Variants in DIAPH3 observed in about 807,000 individuals in gnomAD.
DIAPH3 encodes protein diaphanous homolog 3.
Under a neutral mutation model 144.3 loss-of-function variants are expected in DIAPH3, and 117 were observed. The ratio of observed to expected loss-of-function variants is 0.81; its 90% CI spans 0.70 to 0.95. DIAPH3 has a LOEUF of 0.95. Among genes scored for constraint, DIAPH3 ranks in the 40% least tolerant of loss-of-function variants. DIAPH3 has a pLI of 0.00. For synonymous variants in DIAPH3, 519 were observed against 488.9 expected (o/e 1.06, Z -0.81); for missense variants, 1,421 against 1,412.7 (o/e 1.01, Z -0.09).
intron 20 of DIAPH3, among the ~76,000 whole-genome samples, chr13:59,893,153 G>A (rs926231020): frequency 1.3e-5 from 2 of 152,028 alleles, no homozygotes; most frequent in African/African-American, 4.8e-5. Context: ...ATGATGAACC[G>A]CCATAGCATC....
In DIAPH3 at chr13:59,974,585, G is replaced by C; in HGVS notation, c.1546-129C>G. ...TTCCTGAATTGGTTTTATGAAAGGA[G>C]TGATAGAGTTTTGAAAAGTCACTTA... On this transcript the variant is annotated intron_variant, in intron 14 of 27. Transcript: ENST00000400324. The C allele has an allele frequency of 4.7e-6, 4 of 850,432 alleles. No homozygotes were observed. In the South Asian group the frequency reaches 6.2e-5, roughly 13 times the overall value. 52.7% of individuals were successfully genotyped at this position (850,432 alleles called of 1,614,324 possible).
Position 59,874,556 on chromosome 13 carries a change from G to A in DIAPH3, c.2607+4673C>T, listed in dbSNP as rs151306835. On this transcript the variant is annotated intron_variant, in intron 21 of 27. Coordinates refer to ENST00000400324, the MANE Select transcript of DIAPH3 (RefSeq NM_001042517.2). ...ACCGTCTTAGCACCTACTCCTCAAC[G>A]CCCATAGCCCCATTACCATGTATTC... is the stretch of plus-strand genomic sequence containing the variant. Among the ~76,000 whole-genome samples, 446 of 152,050 alleles carry A rather than the reference G, an allele frequency of 2.9e-3. 4 individuals are homozygous for A. The highest frequency in any genetic ancestry group is 0.012 in the South Asian group (59 of 4,810).
intron 17 of DIAPH3, among the ~76,000 whole-genome samples, chr13:59,939,835 C>CGAGT (rs535547924): frequency 1.4e-5 from 2 of 146,652 alleles, no homozygotes; most frequent in African/African-American, 2.5e-5. Context: ...GAGAATGAGG[C>CGAGT]GTGTGTGTGT....
intron 5 of DIAPH3, among the ~76,000 whole-genome samples, chr13:60,029,808 A>G (rs894556008): frequency 6.6e-6 from 1 of 152,142 alleles, no homozygotes; most frequent in Non-Finnish European, 1.5e-5. Context: ...TCCTTTTAGA[A>G]AGTTAAGCCA....
intron 20 of DIAPH3, among the ~76,000 whole-genome samples, chr13:59,881,366 C>T (rs1391212524): frequency 3.9e-5 from 6 of 152,018 alleles, no homozygotes; most frequent in Admixed American, 3.9e-4. Flanking sequence ...CTCATAGCAT[C>T]GCTGTTTTCA....
intron 1 of DIAPH3, among the ~76,000 whole-genome samples, chr13:60,138,776 G>GAAGGGCAA (rs58339306): frequency 1.6e-4 from 10 of 62,828 alleles, no homozygotes; most frequent in Non-Finnish European, 4.5e-4. Context: ...AGAAGGAGAA[G>GAAGGGCAA]GAGAAGAAGG....
chr13:59,786,694 A>C (rs2039046535), intron 25 of DIAPH3, among the ~76,000 whole-genome samples: 1 of 152,212 alleles, frequency 6.6e-6, no homozygotes, highest in Non-Finnish European at 1.5e-5. Context: ...TTCAGTACAT[A>C]AGACAGCATT....
intron 27 of DIAPH3, among the ~76,000 whole-genome samples, chr13:59,672,948 G>T (rs1239848759): frequency 6.6e-6 from 1 of 152,176 alleles, no homozygotes; most frequent in Non-Finnish European, 1.5e-5. Context: ...AACTGATGAA[G>T]AACTTTATTT....
At chr13:60,140,075 C>A (rs1433718405) in intron 1 of DIAPH3, among the ~76,000 whole-genome samples, 1 of 152,198 alleles carries the variant, frequency 6.6e-6, no homozygotes, top group African/African-American at 2.4e-5. Flanking sequence ...CCAGAGTCAC[C>A]TTGAAGCTTA....
Position 60,076,145 on chromosome 13 carries a change from G to T in DIAPH3, c.495+17483C>A, listed in dbSNP as rs76278406. 3.0e-3 allele frequency among the ~76,000 whole-genome samples: 457 copies of T among 152,252 alleles called. 2 individuals are homozygous for T. The highest frequency in any genetic ancestry group is 9.7e-3 in the African/African-American group (401 of 41,548). ...CTTTGCTCTGCCACCAAAGCAGCTCGAATAGCCTCTTGCCTTTAGAACCTA... is the reference window on the plus strand; with the variant it reads ...CTTTGCTCTGCCACCAAAGCAGCTCTAATAGCCTCTTGCCTTTAGAACCTA... On this transcript the variant is annotated intron_variant, in intron 4 of 27. Transcript: ENST00000400324.
At chr13:59,799,792 G>C (rs2039808688) in intron 25 of DIAPH3, among the ~76,000 whole-genome samples, 1 of 152,140 alleles carries the variant, frequency 6.6e-6, no homozygotes, top group Admixed American at 6.5e-5. Flanking sequence ...GGTTAATTTT[G>C]ATTAAAGGTT....
intron 24 of DIAPH3, among the ~76,000 whole-genome samples, chr13:59,822,266 A>G (rs1309545487): frequency 6.6e-6 from 1 of 152,066 alleles, no homozygotes; most frequent in Non-Finnish European, 1.5e-5. Context: ...TTATCTCCCA[A>G]TTACAAAGCT....
rs201024887 is a variant in DIAPH3, at chr13:59,839,368, G to C, written c.2818C>G (p.Pro940Ala). Reference sequence around the variant, plus strand: ...TTGTCATGCAAGTCCTCAGGAGGGGGAAAGGTTTCCAATTCCTTCTCAAGC... The same window carrying C: ...TTGTCATGCAAGTCCTCAGGAGGGGCAAAGGTTTCCAATTCCTTCTCAAGC... The part of the protein sequence containing the change: ...QQLEKELETF[P>A]PPEDLHDKFV... The change falls in exon 23 of 28, where the codon CCC becomes GCC. Residue 940 changes from proline (P) to alanine (A), a missense_variant. Transcript: ENST00000400324. 2 of 1,613,700 alleles carry C rather than the reference G, an allele frequency of 1.2e-6. No homozygotes were observed. Among genetic ancestry groups the C allele is most frequent in the South Asian group, 1.1e-5 (1 of 91,066 alleles).
chr13:59,957,670 C>A (rs1027920928), intron 17 of DIAPH3, among the ~76,000 whole-genome samples: 1 of 152,064 alleles, frequency 6.6e-6, no homozygotes, highest in African/African-American at 2.4e-5. Context: ...AAAACACAAA[C>A]AACTGGTCAA....
At chr13:60,042,397 T>C (rs893957475) in intron 5 of DIAPH3, among the ~76,000 whole-genome samples, 1 of 152,174 alleles carries the variant, frequency 6.6e-6, no homozygotes, top group African/African-American at 2.4e-5. Context: ...TGAAACTCAG[T>C]CATATTAAAT....
At position 59,810,925 on chromosome 13, in the gene DIAPH3, T is replaced by TATTAC; in HGVS notation, c.3028-3_3028-2insGTAAT. The TATTAC allele has an allele frequency of 3.7e-6, 4 of 1,086,444 alleles. No individual in the cohort carries two copies. Among genetic ancestry groups the TATTAC allele is most frequent in the Non-Finnish European group, 5.0e-6 (4 of 804,830 alleles). 67.3% of individuals were successfully genotyped at this position (1,086,444 alleles called of 1,614,324 possible). A position where few individuals can be genotyped will look rare whatever the true frequency, so the allele number is the denominator to read the frequency against. ...TTTGATATTCTCCTTTATTGCTTGC[T>TATTAC]AAAAAAATTTTGAAAAATGATCAAT... is the stretch of plus-strand genomic sequence containing the variant. On this transcript the variant is annotated splice_region_variant and splice_polypyrimidine_tract_variant and intron_variant, in intron 24 of 27. Transcript: ENST00000400324.
chr13:59,855,640 T>G (rs1227194766), intron 22 of DIAPH3, among the ~76,000 whole-genome samples: 1 of 151,844 alleles, frequency 6.6e-6, no homozygotes. Flanking sequence ...ATAAGCTGGC[T>G]TTACGAACAT....
chr13:59,762,049 C>A (rs551599366), intron 27 of DIAPH3, among the ~76,000 whole-genome samples: 16 of 126,424 alleles, frequency 1.3e-4, no homozygotes, highest in South Asian at 8.6e-4. Context: ...AAAGCGTCAG[C>A]ATCTTTTTTT....
intron 27 of DIAPH3, among the ~76,000 whole-genome samples, chr13:59,740,913 G>A (rs1231959154): frequency 6.6e-6 from 1 of 152,190 alleles, no homozygotes; most frequent in African/African-American, 2.4e-5. Flanking sequence ...GATTGTTGGT[G>A]AACAGCTCAA....
Sources: allele counts gnomAD v4.1 joint callset (sites outside exome capture counted in the v4.1 genomes callset), GRCh38; gene constraint gnomAD v4.1.1; transcripts MANE v1.5; gene names NCBI Gene and HGNC (gene_info 2026-07-23, HGNC 2026-07-21).